CDKL5: variants seen among roughly 807,000 people sequenced by gnomAD.
CDKL5 encodes the protein cyclin-dependent kinase-like 5.
In CDKL5, 8 loss-of-function variants were observed where a neutral mutation model predicts 61.7. The observed-to-expected ratio is 0.13, with a 90% confidence interval of 0.08 to 0.23. The LOEUF is 0.23. CDKL5 is among the 10% of genes least tolerant of loss of function. CDKL5 has a pLI of 1.00. For missense variants in CDKL5, 440 were observed against 734.5 expected, an observed-to-expected ratio of 0.60 and a Z score of 4.63; for synonymous variants, 275 against 272.3, an observed-to-expected ratio of 1.01 and a Z score of -0.10.
chrX:18,428,331 GCTTTAT>G (rs1319520505), intron 1 of CDKL5, among the ~76,000 whole-genome samples: 2 of 112,184 alleles, frequency 1.8e-5, no homozygotes, highest in African/African-American at 6.5e-5. Flanking sequence ...AGAAAATTTA[GCTTTAT>G]CTGAGAAATT....
chrX:18,620,098 G>A, intron 16 of CDKL5, 132 bp downstream of exon 16: 1 of 450,417 alleles, frequency 2.2e-6, no homozygotes. Flanking sequence ...ACTGTATTAT[G>A]TCTCTTTCTG....
chrX:18,519,718 A>G (rs1007503568), intron 3 of CDKL5, among the ~76,000 whole-genome samples: 16 of 112,096 alleles, frequency 1.4e-4, no homozygotes, highest in African/African-American at 4.5e-4. Context: ...ACGAAGAAGA[A>G]AACAGTCCTC....
Position 18,605,793 on chromosome X carries a change from A to C in CDKL5, c.1944+925A>C, listed in dbSNP as rs990989026. Among the ~76,000 whole-genome samples, 13 of 112,315 alleles carry C rather than the reference A, an allele frequency of 1.2e-4. No homozygotes were observed. In the East Asian group the frequency reaches 2.8e-3, roughly 24 times the overall value. ...TATTTGGACATTGAACACCTTTTCT[A>C]TGCTGGGTGTTCCCAGGCACTCAAA... On this transcript the variant is annotated intron_variant, in intron 12 of 17. Coordinates refer to ENST00000623535, the MANE Select transcript of CDKL5 (RefSeq NM_001323289.2).
intron 1 of CDKL5, among the ~76,000 whole-genome samples, chrX:18,474,474 A>C (rs1419538923): frequency 8.9e-6 from 1 of 112,021 alleles, no homozygotes; most frequent in Admixed American, 9.5e-5. Context: ...TTTCTGATAT[A>C]GAAGTTTATC....
At chrX:18,587,873 A>C (rs1602275958) in intron 8 of CDKL5, 81 bp from the exon 9 acceptor site, 4 of 931,437 alleles carry the variant, frequency 4.3e-6, no homozygotes, top group East Asian at 3.1e-5. Context: ...GCTGCACATA[A>C]ATTTGTTCAC....
chrX:18,564,879 A>G (rs753924971), intron 4 of CDKL5, among the ~76,000 whole-genome samples: 1 of 111,736 alleles, frequency 8.9e-6, no homozygotes, highest in African/African-American at 3.2e-5. Flanking sequence ...TCAAGTAAAT[A>G]CTTCTGTGGG....
At chrX:18,516,376 A>G (rs1602236025) in intron 3 of CDKL5, among the ~76,000 whole-genome samples, 1 of 108,784 alleles carries the variant, frequency 9.2e-6, no homozygotes, top group Non-Finnish European at 1.9e-5. Flanking sequence ...ATAGAGAACC[A>G]TTGTGTGTGG....
chrX:18,600,510 C>A (rs1371442822), intron 11 of CDKL5, among the ~76,000 whole-genome samples: 9 of 111,766 alleles, frequency 8.1e-5, no homozygotes, highest in Non-Finnish European at 1.5e-4. Flanking sequence ...AAAATTATCC[C>A]AATGATATAA....
intron 1 of CDKL5, among the ~76,000 whole-genome samples, chrX:18,447,184 T>C (rs1286002855): frequency 9.1e-6 from 1 of 110,298 alleles, no homozygotes; most frequent in Admixed American, 9.6e-5. Flanking sequence ...GTAGATATCC[T>C]ACAATGTACA....
chrX:18,625,046 G>T, intron 16 of CDKL5, 82 bp from the exon 17 acceptor site: 1 of 958,887 alleles, frequency 1.0e-6, no homozygotes, highest in Non-Finnish European at 1.5e-6. Context: ...TTTTTAGTTT[G>T]GTTCTCCTCT....
chrX:18,580,575 C>T (rs1328836678), intron 6 of CDKL5, among the ~76,000 whole-genome samples: 1 of 111,685 alleles, frequency 9.0e-6, no homozygotes, highest in Non-Finnish European at 1.9e-5. Context: ...TTGTCCTTTA[C>T]TGCCATGAAG....
At chrX:18,475,914 A>T (rs951063333) in intron 1 of CDKL5, among the ~76,000 whole-genome samples, 19 of 112,369 alleles carry the variant, frequency 1.7e-4, no homozygotes, top group African/African-American at 5.8e-4. Context: ...TGTTCTTACA[A>T]TGTATTTCCA....
At chrX:18,503,294 C>T (rs1234605740) in intron 1 of CDKL5, among the ~76,000 whole-genome samples, 2 of 112,076 alleles carry the variant, frequency 1.8e-5, no homozygotes, top group African/African-American at 3.2e-5. Context: ...AACCATCCTC[C>T]CATCTCAGCC....
Position 18,629,821 on chromosome X carries a change from T to TA in CDKL5, c.*1064_*1065insA. 2.7e-6 allele frequency: 2 copies of TA among 754,404 alleles called. No homozygotes were observed. Among genetic ancestry groups the TA allele is most frequent in the African/African-American group, 4.6e-5 (2 of 43,876 alleles). 62.2% of individuals were successfully genotyped at this position (754,404 alleles called of 1,213,427 possible). ...TTACTTGCACACAGGGGAGAATAGA[T>TA]TGAGGCGTTACTCGTGGGTCTTTGT... On this transcript the variant is annotated 3_prime_UTR_variant, in exon 18 of 18. Coordinates refer to ENST00000623535, the MANE Select transcript of CDKL5 (RefSeq NM_001323289.2).
Position 18,637,557 on chromosome X carries a change from A to T in CDKL5, c.*8800A>T, listed in dbSNP as rs1927429431. The T allele has an allele frequency of 9.1e-6, 1 of 110,201 alleles. No homozygotes were observed. 9.1% of individuals were successfully genotyped at this position (110,201 alleles called of 1,213,427 possible). ...CACCTGGACGACAGAGCGAGACGCC[A>T]TCTCAAAAATAAATAAATAAATAAA... is the stretch of plus-strand genomic sequence containing the variant. On this transcript the variant is annotated 3_prime_UTR_variant, in exon 18 of 18. Transcript: ENST00000623535.
At chrX:18,511,302 T>C (rs184941366) in intron 3 of CDKL5, among the ~76,000 whole-genome samples, 124 of 111,272 alleles carry the variant, frequency 1.1e-3, no homozygotes, top group African/African-American at 3.9e-3. Context: ...GTGGAATTAA[T>C]ATGTGAATGC....
intron 1 of CDKL5, among the ~76,000 whole-genome samples, chrX:18,468,378 G>C (rs1942284384): frequency 8.9e-6 from 1 of 112,161 alleles, no homozygotes; most frequent in African/African-American, 3.2e-5. Context: ...CACATAACGT[G>C]CTATTTCTTT....
At chrX:18,495,260 C>T (rs759418819) in intron 1 of CDKL5, among the ~76,000 whole-genome samples, 1 of 112,066 alleles carries the variant, frequency 8.9e-6, no homozygotes, top group South Asian at 3.7e-4. Context: ...AGAAAAGACC[C>T]GTTGAGATGA....
intron 3 of CDKL5, among the ~76,000 whole-genome samples, chrX:18,549,424 G>A (rs1602254707): frequency 8.9e-6 from 1 of 112,184 alleles, no homozygotes. Context: ...TTTTTATGCT[G>A]ATCATCAGTC....
Sources: allele counts gnomAD v4.1 joint callset (sites outside exome capture counted in the v4.1 genomes callset), GRCh38; gene constraint gnomAD v4.1.1; transcripts MANE v1.5; gene names NCBI Gene and HGNC (gene_info 2026-07-23, HGNC 2026-07-21).